Variants in BICC1 observed in about 807,000 individuals in gnomAD.
BICC1 encodes the protein protein bicaudal C homolog 1.
BICC1 carries 43 observed loss-of-function variants against 111.0 expected under a neutral mutation model. The observed-to-expected ratio is 0.39, with a 90% confidence interval of 0.30 to 0.50. The LOEUF is 0.50. Ranked by LOEUF, BICC1 falls within the 20% of genes least tolerant of loss-of-function variation. The pLI, the probability that BICC1 is intolerant of heterozygous loss-of-function variation, is 0.88. For synonymous variants in BICC1, 467 were observed against 434.4 expected (o/e 1.07, Z -0.93); for missense variants, 1,091 against 1,203.2 (o/e 0.91, Z 1.38).
intron 1 of BICC1, among the ~76,000 whole-genome samples, chr10:58,527,232 A>C (rs1358167053): frequency 1.3e-5 from 2 of 152,150 alleles, no homozygotes; most frequent in African/African-American, 4.8e-5. Context: ...TCTTTTGAGA[A>C]GTGTCTGTTC....
chr10:58,707,662 T>C (rs1231030892), intron 3 of BICC1, among the ~76,000 whole-genome samples: 3 of 152,052 alleles, frequency 2.0e-5, no homozygotes, highest in Non-Finnish European at 4.4e-5. Context: ...CCTGAGTAGC[T>C]GGGACTACAG....
chr10:58,541,255 T>C (rs1564478626), intron 1 of BICC1, among the ~76,000 whole-genome samples: 1 of 152,060 alleles, frequency 6.6e-6, no homozygotes, highest in Non-Finnish European at 1.5e-5. Flanking sequence ...GGAATAAATA[T>C]AATGATCTTT....
intron 1 of BICC1, among the ~76,000 whole-genome samples, chr10:58,582,750 C>A (rs1475377092): frequency 1.3e-5 from 2 of 152,166 alleles, no homozygotes; most frequent in African/African-American, 4.8e-5. Flanking sequence ...AGGCCACCTG[C>A]ATCCCTTGGC....
rs778148367 is a variant in BICC1, at chr10:58,657,999, T to G, written c.237+37098T>G. Among the ~76,000 whole-genome samples the G allele has an allele frequency of 2.0e-4, 20 of 102,358 alleles. No homozygotes were observed. The South Asian group carries it at 5.7e-3, about 29-fold the overall frequency. 67.2% of individuals were successfully genotyped at this position (102,358 alleles called of 152,430 possible). A position where few individuals can be genotyped will look rare whatever the true frequency, so the allele number is the denominator to read the frequency against. On this transcript the variant is annotated intron_variant, in intron 2 of 20. Coordinates refer to ENST00000373886, the MANE Select transcript of BICC1 (RefSeq NM_001080512.3). ...CTCAGTGTGTCACCTTAGGAAAAAT[T>G]GTGTCAATCTGTCCTTCCACTAGTG...
At chr10:58,536,072 T>A (rs1842818960) in intron 1 of BICC1, among the ~76,000 whole-genome samples, 1 of 151,378 alleles carries the variant, frequency 6.6e-6, no homozygotes. Flanking sequence ...GCTCCCAGAT[T>A]CGTAAAGCAA....
chr10:58,674,604 C>T (rs1477929077), intron 2 of BICC1, among the ~76,000 whole-genome samples: 5 of 152,052 alleles, frequency 3.3e-5, no homozygotes, highest in East Asian at 1.9e-4. Context: ...ACCTGAGGGC[C>T]GCTTGAAGGA....
In BICC1 at chr10:58,768,300, A is replaced by G. The variant is rs7917354; in HGVS notation, c.308-16701A>G. Reference sequence around the variant, plus strand: ...CCACGGGTCACGAAGGAGTGGGATGATATACTCAAAGTGCTGAAAGGAAAA... The same window carrying G: ...CCACGGGTCACGAAGGAGTGGGATGGTATACTCAAAGTGCTGAAAGGAAAA... On this transcript the variant is annotated intron_variant, in intron 3 of 20. Coordinates refer to ENST00000373886, the MANE Select transcript of BICC1 (RefSeq NM_001080512.3). 2.6e-3 allele frequency among the ~76,000 whole-genome samples: 398 copies of G among 152,302 alleles called. 1 individual carries two copies. The highest frequency in any genetic ancestry group is 9.1e-3 in the African/African-American group (380 of 41,582).
At chr10:58,734,476 T>C (rs1409323168) in intron 3 of BICC1, among the ~76,000 whole-genome samples, 1 of 152,252 alleles carries the variant, frequency 6.6e-6, no homozygotes, top group African/African-American at 2.4e-5. Flanking sequence ...TTGCCTCTGC[T>C]TACTGCGTAT....
intron 1 of BICC1, among the ~76,000 whole-genome samples, chr10:58,563,799 G>A (rs1843677655): frequency 6.6e-6 from 1 of 152,174 alleles, no homozygotes; most frequent in South Asian, 2.1e-4. Flanking sequence ...TTTTATAAGT[G>A]ATAAAAATGT....
intron 3 of BICC1, among the ~76,000 whole-genome samples, chr10:58,778,597 C>G (rs147540667): frequency 0.011 from 1,622 of 152,160 alleles, 26 homozygotes; most frequent in African/African-American, 0.033. Flanking sequence ...ATTGAGTAGC[C>G]TGAGGAAGAA....
At chr10:58,738,305 A>T (rs996924096) in intron 3 of BICC1, among the ~76,000 whole-genome samples, 1 of 150,112 alleles carries the variant, frequency 6.7e-6, no homozygotes, top group Non-Finnish European at 1.5e-5. Context: ...CTTTCTCCAT[A>T]AGGCTAGCCA....
intron 1 of BICC1, among the ~76,000 whole-genome samples, chr10:58,583,619 TG>T (rs1844347981): frequency 6.6e-6 from 1 of 151,448 alleles, no homozygotes; most frequent in Non-Finnish European, 1.5e-5. Context: ...TGTGTGTGTG[TG>T]TGTGTGTACA....
chr10:58,518,544 T>C (rs1842302028), intron 1 of BICC1, among the ~76,000 whole-genome samples: 1 of 146,380 alleles, frequency 6.8e-6, no homozygotes. Context: ...AGTCTTTTTT[T>C]CTTTTTTCTT....
intron 1 of BICC1, among the ~76,000 whole-genome samples, chr10:58,597,639 T>C (rs1378208670): frequency 1.3e-5 from 2 of 152,090 alleles, no homozygotes; most frequent in Admixed American, 6.6e-5. Flanking sequence ...TCAGTCCTTA[T>C]CTCAACCACA....
intron 4 of BICC1, among the ~76,000 whole-genome samples, chr10:58,786,474 C>T (rs1843014373): frequency 6.6e-6 from 1 of 152,132 alleles, no homozygotes; most frequent in South Asian, 2.1e-4. Flanking sequence ...TTCTTATTCA[C>T]AGTTTTGAGC....
intron 11 of BICC1, among the ~76,000 whole-genome samples, 179 bp from the exon 12 acceptor site, chr10:58,798,877 G>T (rs577881393): frequency 1.3e-5 from 2 of 152,188 alleles, no homozygotes; most frequent in East Asian, 1.9e-4. Flanking sequence ...CTATGATATT[G>T]TCCGATTTTA....
At chr10:58,731,756 A>G (rs1200133854) in intron 3 of BICC1, among the ~76,000 whole-genome samples, 1 of 151,678 alleles carries the variant, frequency 6.6e-6, no homozygotes. Context: ...GAGAGATGCT[A>G]CACACTTTTA....
intron 1 of BICC1, among the ~76,000 whole-genome samples, chr10:58,608,660 A>G (rs2132098549): frequency 6.6e-6 from 1 of 152,292 alleles, no homozygotes; most frequent in South Asian, 2.1e-4. Context: ...GAAGGCTTCC[A>G]TTTATTAAAT....
chr10:58,818,614 T>A (rs180827778), intron 19 of BICC1, among the ~76,000 whole-genome samples: 1 of 152,288 alleles, frequency 6.6e-6, no homozygotes, highest in East Asian at 1.9e-4. Context: ...ATTATTAAGT[T>A]TAAATGCTGA....
Sources: allele counts gnomAD v4.1 joint callset (sites outside exome capture counted in the v4.1 genomes callset), GRCh38; gene constraint gnomAD v4.1.1; transcripts MANE v1.5; gene names NCBI Gene and HGNC (gene_info 2026-07-23, HGNC 2026-07-21).